Variants in KIAA1328 observed in about 807,000 individuals in gnomAD.
The protein encoded by KIAA1328 is protein hinderin.
Under a neutral mutation model 68.1 loss-of-function variants are expected in KIAA1328, and 52 were observed. The observed-to-expected ratio is 0.76, with a 90% CI of 0.61 to 0.96. KIAA1328 has a LOEUF of 0.96. Among genes scored for constraint, KIAA1328 ranks in the 40% least tolerant of loss-of-function variants. KIAA1328 has a pLI of 0.00. For synonymous variants in KIAA1328, 232 were observed against 239.4 expected, an observed-to-expected ratio of 0.97 and a Z score of 0.28; for missense variants, 641 against 677.6, an observed-to-expected ratio of 0.95 and a Z score of 0.60.
At chr18:37,100,339 A>T (rs1030789198) in intron 7 of KIAA1328, among the ~76,000 whole-genome samples, 2 of 152,186 alleles carry the variant, frequency 1.3e-5, no homozygotes, top group African/African-American at 4.8e-5. Flanking sequence ...GCACTTTTCC[A>T]ATGGTCTTAG....
intron 6 of KIAA1328, among the ~76,000 whole-genome samples, chr18:37,051,245 A>T (rs2055682408): frequency 6.7e-6 from 1 of 148,738 alleles, no homozygotes; most frequent in African/African-American, 2.5e-5. Context: ...AAAAAAAAAC[A>T]TATAAAAAGG....
Position 36,902,278 on chromosome 18 carries a change from G to T in KIAA1328, c.448+16606G>T, listed in dbSNP as rs552339973. The T allele has an allele frequency of 4.3e-4, 66 of 152,028 alleles. 1 individual carries two copies. The highest frequency in any genetic ancestry group is 1.6e-3 in the African/African-American group (66 of 41,510). The allele number at this position is 152,028 out of a possible 1,614,324, so 9.4% of individuals were successfully genotyped here. ...TTTTTTTGCTGGAGGGGTGGTGGTA[G>T]GGGCAGTTTGCCACAAAGCTGAAGA... On this transcript the variant is annotated intron_variant, in intron 5 of 9. Transcript: ENST00000280020.
intron 9 of KIAA1328, among the ~76,000 whole-genome samples, chr18:37,199,846 A>G (rs2060074580): frequency 6.6e-6 from 1 of 152,168 alleles, no homozygotes; most frequent in Non-Finnish European, 1.5e-5. Context: ...TTTAATGATC[A>G]ATGATGTTGA....
chr18:37,097,747 C>A (rs2057457900), intron 7 of KIAA1328, among the ~76,000 whole-genome samples: 1 of 152,146 alleles, frequency 6.6e-6, no homozygotes, highest in South Asian at 2.1e-4. Context: ...TCTTTTATTT[C>A]ATTGAGCAGT....
At chr18:36,940,948 A>T (rs2050688443) in intron 5 of KIAA1328, among the ~76,000 whole-genome samples, 2 of 152,160 alleles carry the variant, frequency 1.3e-5, no homozygotes, top group Admixed American at 1.3e-4. Context: ...TGCTGGAATT[A>T]TAGGCATGAG....
At chr18:37,120,560 A>G (rs752344480) in intron 7 of KIAA1328, among the ~76,000 whole-genome samples, 1 of 152,170 alleles carries the variant, frequency 6.6e-6, no homozygotes. Context: ...GAAGCGCTGG[A>G]TGGTGTAAGA....
rs533388113 is a variant in KIAA1328, at chr18:37,155,004, C to T, written c.1233-5196C>T. 4.6e-5 allele frequency among the ~76,000 whole-genome samples: 7 copies of T among 152,294 alleles called. No individual in the cohort carries two copies. The South Asian group carries it at 8.3e-4, about 18-fold the overall frequency. The stretch of plus-strand genomic sequence containing the variant: ...AAAAATCCTAACCCTAGATTGAGCT[C>T]TCACACTGCTTTCTCTGCTTTTTAA... On this transcript the variant is annotated intron_variant, in intron 7 of 9. Coordinates refer to ENST00000280020, the MANE Select transcript of KIAA1328 (RefSeq NM_020776.3).
chr18:37,041,341 T>G (rs2055237986), intron 6 of KIAA1328, among the ~76,000 whole-genome samples: 1 of 152,158 alleles, frequency 6.6e-6, no homozygotes, highest in Admixed American at 6.5e-5. Context: ...TAAAGTTTGA[T>G]ATTAGTATAG....
At chr18:37,095,560 T>C (rs2057380946) in intron 7 of KIAA1328, among the ~76,000 whole-genome samples, 1 of 151,810 alleles carries the variant, frequency 6.6e-6, no homozygotes, top group Non-Finnish European at 1.5e-5. Context: ...CCAAAACCTA[T>C]GGGATACAGA....
At chr18:36,842,724 C>T (rs1302374652) in intron 3 of KIAA1328, among the ~76,000 whole-genome samples, 1 of 149,032 alleles carries the variant, frequency 6.7e-6, no homozygotes, top group Non-Finnish European at 1.5e-5. Flanking sequence ...TTCTTTTACT[C>T]AGCACATCAC....
At chr18:37,210,467 G>A (rs1016362175) in intron 9 of KIAA1328, among the ~76,000 whole-genome samples, 7 of 152,198 alleles carry the variant, frequency 4.6e-5, no homozygotes, top group African/African-American at 1.7e-4. Flanking sequence ...TACTGGCTCT[G>A]TGAAGTACAG....
At chr18:37,078,081 C>G (rs1344891497) in intron 7 of KIAA1328, among the ~76,000 whole-genome samples, 1 of 152,188 alleles carries the variant, frequency 6.6e-6, no homozygotes, top group East Asian at 1.9e-4. Flanking sequence ...TCAAAGTATA[C>G]TACAAGGCTG....
intron 9 of KIAA1328, among the ~76,000 whole-genome samples, chr18:37,180,058 C>CCA (rs139301794): frequency 0.028 from 3,744 of 134,094 alleles, 56 homozygotes; most frequent in South Asian, 0.077. Flanking sequence ...GATTCAAAAG[C>CCA]CACACACACA....
Position 37,160,257 on chromosome 18 carries a change from G to A in KIAA1328, c.1290G>A (p.Lys430=). The stretch of plus-strand genomic sequence containing the variant: ...TTGGAACATCATCATCTATTAAAAA[G>A]CACCAAGACCCCCCAAACAGTGGAG... The part of the protein sequence containing the change: ...WLLGTSSSIK[K]HQDPPNSGEN... Residue 430 remains lysine (K), a synonymous_variant, in exon 8 of 10, where the codon AAG becomes AAA. Coordinates refer to ENST00000280020, the MANE Select transcript of KIAA1328 (RefSeq NM_020776.3). The A allele has an allele frequency of 6.2e-7, 1 of 1,613,496 alleles. No homozygotes were observed. The highest frequency in any genetic ancestry group is 8.5e-7 in the Non-Finnish European group (1 of 1,179,668).
At chr18:37,100,569 G>T (rs2057578216) in intron 7 of KIAA1328, among the ~76,000 whole-genome samples, 1 of 152,214 alleles carries the variant, frequency 6.6e-6, no homozygotes, top group Non-Finnish European at 1.5e-5. Context: ...AGACCCTCTT[G>T]CCTCTGTAGA....
chr18:36,992,340 C>T (rs896403272), intron 6 of KIAA1328, among the ~76,000 whole-genome samples: 2 of 151,834 alleles, frequency 1.3e-5, no homozygotes, highest in Non-Finnish European at 1.5e-5. Context: ...TCTTGTACAT[C>T]GTCTTCTAAA....
chr18:37,195,014 G>A (rs775825064), intron 9 of KIAA1328, among the ~76,000 whole-genome samples: 1 of 152,114 alleles, frequency 6.6e-6, no homozygotes, highest in Non-Finnish European at 1.5e-5. Context: ...GGTACATGTG[G>A]TATTTTGGTA....
At chr18:37,219,156 G>T (rs770489799) in intron 9 of KIAA1328, among the ~76,000 whole-genome samples, 4 of 152,162 alleles carry the variant, frequency 2.6e-5, no homozygotes, top group Non-Finnish European at 5.9e-5. Context: ...CTGCAGAACC[G>T]CAAATATTGC....
Position 36,885,535 on chromosome 18 carries a change from G to GT in KIAA1328, c.333-22_333-21insT, listed in dbSNP as rs1245010062. 6 of 1,255,604 alleles carry GT rather than the reference G, an allele frequency of 4.8e-6. No individual in the cohort carries two copies. The African/African-American group carries it at 6.2e-5, about 13-fold the overall frequency. 77.8% of individuals were successfully genotyped at this position (1,255,604 alleles called of 1,614,324 possible). On this transcript the variant is annotated intron_variant, in intron 4 of 9. Coordinates refer to ENST00000280020, the MANE Select transcript of KIAA1328 (RefSeq NM_020776.3). ...TAATTTTATTCTGATAGATGTTAAA[G>GT]GTTTTTTTTTTTTTATTTCAGAGTA...
Sources: allele counts gnomAD v4.1 joint callset (sites outside exome capture counted in the v4.1 genomes callset), GRCh38; gene constraint gnomAD v4.1.1; transcripts MANE v1.5; gene names NCBI Gene and HGNC (gene_info 2026-07-23, HGNC 2026-07-21).